Variants in EPHB2 observed in about 807,000 individuals in gnomAD.
EPHB2 encodes the protein ephrin type-B receptor 2.
EPHB2 carries 18 observed loss-of-function variants against 96.4 expected under a neutral mutation model. The observed-to-expected ratio is 0.19, with a 90% CI of 0.13 to 0.28. The LOEUF is 0.28. EPHB2 is among the 10% of genes least tolerant of loss of function. EPHB2 has a pLI of 1.00. For missense variants in EPHB2, 989 were observed against 1,355.4 expected, an observed-to-expected ratio of 0.73 and a Z score of 4.25; for synonymous variants, 506 against 534.1, an observed-to-expected ratio of 0.95 and a Z score of 0.72.
At chr1:22,791,412 A>G (rs1644689244) in intron 3 of EPHB2, among the ~76,000 whole-genome samples, 1 of 151,348 alleles carries the variant, frequency 6.6e-6, no homozygotes, top group Non-Finnish European at 1.5e-5. Flanking sequence ...TTGTTTTAAG[A>G]AAAAAATGGA....
chr1:22,831,502 A>C (rs1445611398), intron 3 of EPHB2, among the ~76,000 whole-genome samples: 1 of 152,098 alleles, frequency 6.6e-6, no homozygotes, highest in Non-Finnish European at 1.5e-5. Flanking sequence ...ATTTCAACCC[A>C]GGAACCCTTA....
At chr1:22,758,021 CCA>C (rs1219997163) in intron 1 of EPHB2, among the ~76,000 whole-genome samples, 1 of 148,688 alleles carries the variant, frequency 6.7e-6, no homozygotes, top group African/African-American at 2.5e-5. Context: ...CGGGTTCACG[CCA>C]TTCTCCTGCC....
chr1:22,909,324 G>A (rs955614500), intron 13 of EPHB2, among the ~76,000 whole-genome samples, 153 bp downstream of exon 13: 2 of 152,206 alleles, frequency 1.3e-5, no homozygotes, highest in African/African-American at 4.8e-5. Context: ...CAGCCCAATG[G>A]TGGCTGATTC....
At chr1:22,815,086 G>T (rs1444525725) in intron 3 of EPHB2, among the ~76,000 whole-genome samples, 1 of 152,182 alleles carries the variant, frequency 6.6e-6, no homozygotes, top group Non-Finnish European at 1.5e-5. Flanking sequence ...AAGGGGTGAG[G>T]GTTTAAATCC....
At chr1:22,887,330 C>T (rs909521090) in intron 6 of EPHB2, among the ~76,000 whole-genome samples, 2 of 152,144 alleles carry the variant, frequency 1.3e-5, no homozygotes, top group African/African-American at 4.8e-5. Context: ...AAGTCCACAG[C>T]CGGCTGTTAC....
At chr1:22,798,415 C>A (rs1480653568) in intron 3 of EPHB2, among the ~76,000 whole-genome samples, 2 of 152,146 alleles carry the variant, frequency 1.3e-5, no homozygotes, top group South Asian at 2.1e-4. Context: ...ATCTCAAATC[C>A]CTCTTGGAGC....
chr1:22,881,451 G>A (rs578094777), intron 5 of EPHB2, among the ~76,000 whole-genome samples: 117 of 152,232 alleles, frequency 7.7e-4, no homozygotes, highest in African/African-American at 2.7e-3. Context: ...CAGCTACCTG[G>A]GAGGCTGAGG....
intron 3 of EPHB2, among the ~76,000 whole-genome samples, chr1:22,851,564 A>G (rs894254750): frequency 6.6e-6 from 1 of 152,164 alleles, no homozygotes; most frequent in Admixed American, 6.5e-5. Flanking sequence ...CTGGCCACTC[A>G]TTTATTGTGT....
At chr1:22,797,972 G>A (rs953598272) in intron 3 of EPHB2, among the ~76,000 whole-genome samples, 6 of 152,082 alleles carry the variant, frequency 3.9e-5, no homozygotes, top group Middle Eastern at 3.2e-3. Flanking sequence ...ATACAGGCAC[G>A]CAGCCTGTCC....
rs199607174 is a variant in EPHB2, at chr1:22,895,564, G to A, written c.1684G>A (p.Ala562Thr). ...LVFLIAVVVI[A>T]IVCNRRGFER... ...CTTCCTCATTGCTGTGGTTGTCATC[G>A]CCATCGTGTGTAACAGGTGGGTGGG... The change falls in exon 8 of 16, where the codon GCC becomes ACC. Residue 562 changes from alanine to threonine, a missense_variant. Ala to Thr is a moderately conservative substitution (Grantham distance 58, BLOSUM62 0). Coordinates refer to ENST00000374630, the MANE Select transcript of EPHB2 (RefSeq NM_017449.5). 20 of 1,614,116 alleles carry A rather than the reference G, an allele frequency of 1.2e-5. No homozygotes were observed. The highest frequency in any genetic ancestry group is 1.6e-4 in the Middle Eastern group (1 of 6,084).
intron 1 of EPHB2, among the ~76,000 whole-genome samples, chr1:22,759,603 C>T (rs893964): frequency 0.2 from 29,872 of 152,024 alleles, 3,555 homozygotes; most frequent in East Asian, 0.59. Flanking sequence ...TTTAGGACTG[C>T]GCTGTTGCCT....
intron 5 of EPHB2, among the ~76,000 whole-genome samples, chr1:22,872,042 G>T (rs1453746352): frequency 2.0e-5 from 3 of 152,002 alleles, no homozygotes; most frequent in Non-Finnish European, 4.4e-5. Context: ...ATCTAGCATG[G>T]ATCTCATCAA....
chr1:22,839,145 C>G (rs1349289665), intron 3 of EPHB2, among the ~76,000 whole-genome samples: 1 of 152,142 alleles, frequency 6.6e-6, no homozygotes, highest in Non-Finnish European at 1.5e-5. Context: ...GAATCCGAGG[C>G]AGACAGTACC....
chr1:22,886,724 T>G (rs1184732596), intron 6 of EPHB2, among the ~76,000 whole-genome samples: 1 of 150,698 alleles, frequency 6.6e-6, no homozygotes, highest in Non-Finnish European at 1.5e-5. Flanking sequence ...CCTCCCGGAT[T>G]CAAGCGATTC....
chr1:22,824,500 C>T (rs1467251856), intron 3 of EPHB2, among the ~76,000 whole-genome samples: 1 of 151,920 alleles, frequency 6.6e-6, no homozygotes, highest in Non-Finnish European at 1.5e-5. Flanking sequence ...TCTGGCGGTG[C>T]CAATATTCAG....
chr1:22,896,336 T>C (rs1437012204), intron 8 of EPHB2, 78 bp from the exon 9 acceptor site: 1 of 1,596,984 alleles, frequency 6.3e-7, no homozygotes, highest in Non-Finnish European at 8.6e-7. Flanking sequence ...CTGCCCACCC[T>C]CTCCCTATCA....
intron 3 of EPHB2, among the ~76,000 whole-genome samples, chr1:22,795,879 C>T (rs1015252219): frequency 9.9e-5 from 15 of 152,234 alleles, no homozygotes; most frequent in African/African-American, 2.6e-4. Flanking sequence ...GGAGGTTTTC[C>T]GGGACCTGTT....
chr1:22,861,281 CT>C (rs1638247232), intron 3 of EPHB2, among the ~76,000 whole-genome samples: 1 of 152,144 alleles, frequency 6.6e-6, no homozygotes, highest in Non-Finnish European at 1.5e-5. Context: ...ACTATGTTCA[CT>C]GCCCTCCTGC....
At chr1:22,789,340 G>T (rs573101936) in intron 3 of EPHB2, among the ~76,000 whole-genome samples, 2 of 152,222 alleles carry the variant, frequency 1.3e-5, no homozygotes, top group African/African-American at 4.8e-5. Context: ...AGAAAATAAG[G>T]CTGGATTAAG....
Sources: gnomAD v4.1 joint callset for allele counts (sites outside exome capture counted in the v4.1 genomes callset) on GRCh38, gnomAD v4.1.1 for gene constraint, MANE v1.5 for transcripts, NCBI Gene and HGNC (gene_info 2026-07-23, HGNC 2026-07-21) for gene names.